Variants in MKLN1 observed in about 807,000 individuals in gnomAD.
MKLN1 encodes the protein muskelin.
Under a neutral mutation model 99.0 loss-of-function variants are expected in MKLN1, and 18 were observed. The ratio of observed to expected loss-of-function variants is 0.18; its 90% CI spans 0.13 to 0.27. MKLN1 has a LOEUF of 0.27. Among genes scored for constraint, MKLN1 ranks in the 10% least tolerant of loss-of-function variants. The pLI is 1.00. For synonymous variants in MKLN1, 288 were observed against 293.2 expected (o/e 0.98, Z 0.18); for missense variants, 621 against 875.9 (o/e 0.71, Z 3.67).
intron 6 of MKLN1, among the ~76,000 whole-genome samples, chr7:131,410,785 CTTAA>C (rs779275648): frequency 1.3e-4 from 20 of 152,176 alleles, no homozygotes; most frequent in Non-Finnish European, 2.6e-4. Flanking sequence ...CTTTCCTCTT[CTTAA>C]TTATATTTAT....
At chr7:131,141,117 C>T (rs1484468782) in intron 1 of MKLN1, among the ~76,000 whole-genome samples, 1 of 152,060 alleles carries the variant, frequency 6.6e-6, no homozygotes, top group Non-Finnish European at 1.5e-5. Context: ...TGGTGTTATT[C>T]TGTCTTCTCT....
chr7:131,203,427 T>A (rs1013131366), intron 3 of MKLN1, among the ~76,000 whole-genome samples: 1 of 152,142 alleles, frequency 6.6e-6, no homozygotes, highest in African/African-American at 2.4e-5. Flanking sequence ...GAGGAAATTT[T>A]CCCTGTGGGC....
At position 131,490,587 on chromosome 7, in the gene MKLN1, A is replaced by G. The variant is rs934153249; in HGVS notation, c.*2859A>G. The stretch of plus-strand genomic sequence containing the variant: ...CTCTGTGCTGAAGCTGACAGACAGT[A>G]TTAACTCTTATCAAGGCCATCTTTT... On this transcript the variant is annotated 3_prime_UTR_variant, in exon 18 of 18. Coordinates refer to ENST00000352689, the MANE Select transcript of MKLN1 (RefSeq NM_013255.5). 1 of 152,634 alleles carries G rather than the reference A, an allele frequency of 6.6e-6. No homozygotes were observed. Among genetic ancestry groups the G allele is most frequent in the Non-Finnish European group, 1.5e-5 (1 of 68,022 alleles). The allele number at this position is 152,634 out of a possible 1,614,324, so 9.5% of individuals were successfully genotyped here.
At chr7:131,452,078 T>C (rs1025577180) in intron 12 of MKLN1, among the ~76,000 whole-genome samples, 55 of 152,338 alleles carry the variant, frequency 3.6e-4, no homozygotes, top group African/African-American at 1.2e-3. Context: ...CACTCTGTTT[T>C]CCCACATCTG....
At chr7:131,444,722 A>G (rs1160893728) in intron 11 of MKLN1, among the ~76,000 whole-genome samples, 1 of 8,984 alleles carries the variant, frequency 1.1e-4, no homozygotes, top group Non-Finnish European at 2.8e-4. Context: ...GGTTTTGAGT[A>G]GTAGTAGTAG....
At chr7:131,133,344 TCTTTCTTTC>T (rs1795589278) in intron 1 of MKLN1, among the ~76,000 whole-genome samples, 1 of 139,668 alleles carries the variant, frequency 7.2e-6, no homozygotes. Context: ...TTTTTTTCTT[TCTTTCTTTC>T]TTTTTTTTTT....
At chr7:131,405,113 TATA>T (rs1794661738) in intron 6 of MKLN1, among the ~76,000 whole-genome samples, 2 of 152,210 alleles carry the variant, frequency 1.3e-5, no homozygotes, top group African/African-American at 4.8e-5. Flanking sequence ...TATAATTGTC[TATA>T]ATCAAAAATT....
At chr7:131,236,979 ACT>A (rs908672782) in intron 3 of MKLN1, among the ~76,000 whole-genome samples, 3 of 151,976 alleles carry the variant, frequency 2.0e-5, no homozygotes, top group African/African-American at 7.2e-5. Flanking sequence ...ACAGAGCGAG[ACT>A]CTGTCTCTAA....
intron 3 of MKLN1, among the ~76,000 whole-genome samples, chr7:131,307,677 G>A (rs1223361967): frequency 2.0e-5 from 3 of 152,084 alleles, no homozygotes; most frequent in African/African-American, 7.2e-5. Context: ...CCTCTGTTTT[G>A]GCCAGTTTCT....
At chr7:131,347,984 A>G (rs932499264) in intron 1 of MKLN1, among the ~76,000 whole-genome samples, 5 of 152,228 alleles carry the variant, frequency 3.3e-5, no homozygotes, top group Admixed American at 1.3e-4. Context: ...CCTGATGAAC[A>G]TTCTGTATTT....
chr7:131,491,571 A>G lies in MKLN1; in HGVS notation c.*3843A>G, dbSNP rs567671880. ...AATGACTTGGCTATCCAAAGCTTCT[A>G]GTCTAGAGGTCTGTTGGTTGAAGGC... On this transcript the variant is annotated 3_prime_UTR_variant, in exon 18 of 18. Transcript: ENST00000352689. 2 of 152,278 alleles carry G rather than the reference A, an allele frequency of 1.3e-5. No individual in the cohort carries two copies. Among genetic ancestry groups the G allele is most frequent in the East Asian group, 3.9e-4 (2 of 5,188 alleles). 9.4% of individuals were successfully genotyped at this position (152,278 alleles called of 1,614,324 possible). A position where few individuals can be genotyped will look rare whatever the true frequency, so the allele number is the denominator to read the frequency against.
intron 3 of MKLN1, among the ~76,000 whole-genome samples, chr7:131,204,559 C>T (rs1238227966): frequency 4.6e-5 from 7 of 152,172 alleles, no homozygotes; most frequent in East Asian, 1.9e-4. Context: ...AGGCCGGGTG[C>T]GGTGGCTCAC....
chr7:131,468,546 A>G (rs920697366), intron 15 of MKLN1, among the ~76,000 whole-genome samples: 1 of 152,212 alleles, frequency 6.6e-6, no homozygotes, highest in Non-Finnish European at 1.5e-5. Flanking sequence ...TTGTGTGCCA[A>G]GTAGGTACCT....
intron 3 of MKLN1, among the ~76,000 whole-genome samples, chr7:131,229,003 T>A (rs9640863): frequency 1.3e-5 from 2 of 151,888 alleles, no homozygotes; most frequent in Non-Finnish European, 2.9e-5. Flanking sequence ...CAGGTTATAG[T>A]CTGGTTTTAT....
At chr7:131,224,700 G>A (rs568230273) in intron 3 of MKLN1, among the ~76,000 whole-genome samples, 9 of 151,908 alleles carry the variant, frequency 5.9e-5, no homozygotes, top group African/African-American at 1.7e-4. Context: ...ATGCCACTGC[G>A]TGACAGAGTG....
intron 1 of MKLN1, among the ~76,000 whole-genome samples, chr7:131,113,280 A>G (rs2116842581): frequency 6.6e-6 from 1 of 152,322 alleles, no homozygotes; most frequent in Admixed American, 6.5e-5. Context: ...AAGCAAAGAA[A>G]GTACTATGTG....
intron 1 of MKLN1, among the ~76,000 whole-genome samples, chr7:131,352,113 T>C (rs1799737761): frequency 6.6e-6 from 1 of 152,202 alleles, no homozygotes; most frequent in Non-Finnish European, 1.5e-5. Context: ...TAATTTTTTC[T>C]TTTTTAAAAA....
At chr7:131,177,468 CAAA>C (rs11351761) in intron 2 of MKLN1, among the ~76,000 whole-genome samples, 11 of 106,112 alleles carry the variant, frequency 1.0e-4, no homozygotes, top group Admixed American at 1.0e-4. Context: ...GACTCCATCT[CAAA>C]AAAAAAAAAA....
At chr7:131,327,148 T>C (rs1476090236), upstream of MKLN1, 2 of 152,210 alleles carry the variant, frequency 1.3e-5, no homozygotes, top group Non-Finnish European at 2.9e-5. Context: ...GCTACAATTA[T>C]GTCAGTTCAA....
Sources: gnomAD v4.1 joint callset for allele counts (sites outside exome capture counted in the v4.1 genomes callset) on GRCh38, gnomAD v4.1.1 for gene constraint, MANE v1.5 for transcripts, NCBI Gene and HGNC (gene_info 2026-07-23, HGNC 2026-07-21) for gene names.